ESPL1: variants seen among roughly 807,000 people sequenced by gnomAD.
The protein encoded by ESPL1 is extra spindle pole bodies like 1, separase, also known as separin.
Under a neutral mutation model 217.2 loss-of-function variants are expected in ESPL1, and 50 were observed. That is an observed-to-expected ratio of 0.23 (90% CI 0.18 to 0.29). ESPL1 has a LOEUF of 0.29. Ranked by LOEUF, ESPL1 falls within the 10% of genes least tolerant of loss-of-function variation. The pLI, the probability that ESPL1 is intolerant of heterozygous loss-of-function variation, is 1.00. For synonymous variants in ESPL1, 994 were observed against 1,081.3 expected, an observed-to-expected ratio of 0.92 and a Z score of 1.58; for missense variants, 1,834 against 2,603.0, an observed-to-expected ratio of 0.70 and a Z score of 6.43.
intron 9 of ESPL1, 59 bp downstream of exon 9, chr12:53,277,286 C>A: frequency 6.4e-7 from 1 of 1,557,706 alleles, no homozygotes; most frequent in Admixed American, 1.9e-5. Flanking sequence ...TGTCCCTGGG[C>A]CCCCAACAAG....
chr12:53,285,580 G>A (rs1192817313), intron 17 of ESPL1, among the ~76,000 whole-genome samples: 1 of 152,030 alleles, frequency 6.6e-6, no homozygotes, highest in Non-Finnish European at 1.5e-5. Flanking sequence ...GTGGTGGTGG[G>A]CGCCTGTAGT....
In ESPL1 at chr12:53,291,708, G is replaced by A. The variant is rs1268647702; in HGVS notation, c.5539G>A (p.Gly1847Ser). 9 of 1,613,758 alleles carry A rather than the reference G, an allele frequency of 5.6e-6. No homozygotes were observed. The highest frequency in any genetic ancestry group is 3.3e-4 in the Middle Eastern group (2 of 6,080). The change falls in exon 26 of 31, where the codon GGT (glycine) becomes AGT (serine). Residue 1847 changes from glycine (G) to serine (S), a missense_variant. Physicochemically the swap from Gly to Ser is moderately conservative, Grantham distance 56. This residue lies in a region of ESPL1 where 295 missense variants were observed against 519.8 expected (regional missense o/e 0.57). Transcript: ENST00000257934. ...TLLKIMLSGAGALTPQDIQAL... is the reference protein window; with the variant it reads ...TLLKIMLSGASALTPQDIQAL... ...CCTGCAGATCATGCTCAGTGGTGCC[G>A]GTGCCCTCACCCCTCAGGACATTCA...
intron 3 of ESPL1, 38 bp downstream of exon 3, chr12:53,270,123 C>T (rs1943643310): frequency 6.6e-7 from 1 of 1,522,314 alleles, no homozygotes; most frequent in African/African-American, 1.4e-5. Context: ...GGGACGTGGT[C>T]TGTGGACTCA....
At position 53,282,930 on chromosome 12, in the gene ESPL1, A is replaced by C. The variant is rs61929239; in HGVS notation, c.2792-199A>C. Among the ~76,000 whole-genome samples, 6 of 152,370 alleles carry C rather than the reference A, an allele frequency of 3.9e-5. No individual in the cohort carries two copies. Among genetic ancestry groups the C allele is most frequent in the Non-Finnish European group, 8.8e-5 (6 of 68,034 alleles). ...CAGCCTCCCAAAATGCTGGGATTAC[A>C]GGCTTGGGCCACTGCGCCCAGCCAG... On this transcript the variant is annotated intron_variant, in intron 14 of 30. Coordinates refer to ENST00000257934, the MANE Select transcript of ESPL1 (RefSeq NM_012291.5). The surrounding 1 kb of genome is among the most constrained non-coding windows in gnomAD (Gnocchi z 4.0).
At position 53,286,856 on chromosome 12, in the gene ESPL1, A is replaced by G; in HGVS notation, c.4120A>G (p.Lys1374Glu). 6.2e-7 allele frequency: 1 copy of G among 1,613,710 alleles called. No homozygotes were observed. Among genetic ancestry groups the G allele is most frequent in the Non-Finnish European group, 8.5e-7 (1 of 1,179,888 alleles). Residue 1374 changes from lysine (K) to glutamate (E), a missense_variant, in exon 18 of 31, where the codon AAG becomes GAG. Physicochemically the swap from Lys to Glu is moderately conservative, Grantham distance 56 (BLOSUM62 1). This residue lies in a region of ESPL1 where 681 missense variants were observed against 808.0 expected (regional missense o/e 0.84). Transcript: ENST00000257934. The surrounding 1 kb of genome is among the most constrained non-coding windows in gnomAD (Gnocchi z 5.3). ...VFEEVCPTES[K>E]PEVPQAPRVQ... ...TGAGGAAGTCTGCCCTACAGAGAGCAAGCCTGAAGTACCCCAGGCCCCCAG... is the reference window on the plus strand; with the variant it reads ...TGAGGAAGTCTGCCCTACAGAGAGCGAGCCTGAAGTACCCCAGGCCCCCAG...
chr12:53,271,736 T>C (rs936903782), intron 5 of ESPL1, among the ~76,000 whole-genome samples: 8 of 152,168 alleles, frequency 5.3e-5, no homozygotes, highest in African/African-American at 1.9e-4. Flanking sequence ...CTTTATTTTC[T>C]CCCAGTCATC....
chr12:53,292,829 C>A lies in ESPL1; in HGVS notation c.6020C>A (p.Ala2007Asp), dbSNP rs750088911. The change falls in exon 30 of 31, where the codon GCC (alanine) becomes GAC (aspartate). Residue 2007 changes from alanine to aspartate, a missense_variant. Ala to Asp is a moderately radical substitution (Grantham distance 126). This residue lies in a region of ESPL1 where 295 missense variants were observed against 519.8 expected (regional missense o/e 0.57). Coordinates refer to ENST00000257934, the MANE Select transcript of ESPL1 (RefSeq NM_012291.5). The surrounding 1 kb of genome is among the most constrained non-coding windows in gnomAD (Gnocchi z 4.5). ...AGCTATGCAGGGCATGGGGCTGGTG[C>A]CCGCTTCCTTGATGGGCAGGCTGTC... ...LYIYAGHGAG[A>D]RFLDGQAVLR... 6.2e-7 allele frequency: 1 copy of A among 1,610,212 alleles called. No homozygotes were observed. The highest frequency in any genetic ancestry group is 8.5e-7 in the Non-Finnish European group (1 of 1,179,998).
At chr12:53,274,605 TA>T (rs1189472409) in intron 6 of ESPL1, 8 of 515,684 alleles carry the variant, frequency 1.6e-5, no homozygotes, top group Non-Finnish European at 2.4e-5. Flanking sequence ...ATGATGAACA[TA>T]GGGGTGGAGT....
At position 53,282,483 on chromosome 12, in the gene ESPL1, G is replaced by A. The variant is rs368077026; in HGVS notation, c.2791+48G>A. On this transcript the variant is annotated intron_variant, in intron 14 of 30. Coordinates refer to ENST00000257934, the MANE Select transcript of ESPL1 (RefSeq NM_012291.5). The surrounding 1 kb of genome is among the most constrained non-coding windows in gnomAD (Gnocchi z 4.0). ...CCCCCTTGGATGACATGTATGGTCT[G>A]TCTGCTGTCAGCTCTTCTCAAACCT... The A allele has an allele frequency of 3.2e-6, 5 of 1,559,708 alleles. No homozygotes were observed. Among genetic ancestry groups the A allele is most frequent in the East Asian group, 2.3e-5 (1 of 44,236 alleles).
Position 53,270,747 on chromosome 12 carries a change from G to A in ESPL1, c.1318G>A (p.Ala440Thr), listed in dbSNP as rs759962350. Residue 440 changes from alanine to threonine, a missense_variant, in exon 5 of 31, where the codon GCC (alanine) becomes ACC (threonine). Physicochemically the swap from Ala to Thr is moderately conservative, Grantham distance 58 (BLOSUM62 0). Transcript: ENST00000257934. ...ATCTACCGTTGTCTGGATGCTGGAG[G>A]CCTTAGAGGGCCTGTCGGGCCAAGA... ...CKSTVVWMLE[A>T]LEGLSGQELT... 9 of 1,614,060 alleles carry A rather than the reference G, an allele frequency of 5.6e-6. No individual in the cohort carries two copies. In the African/African-American group the frequency reaches 1.1e-4, roughly 19 times the overall value.
At chr12:53,275,695 A>T (rs968847298) in intron 7 of ESPL1, among the ~76,000 whole-genome samples, 1 of 151,190 alleles carries the variant, frequency 6.6e-6, no homozygotes, top group South Asian at 2.1e-4. Flanking sequence ...AGATATTTTT[A>T]AAAAGTACAT....
rs775700635 is a variant in ESPL1 at position 53,290,301 on chromosome 12, G to A, written c.5242-46G>A. 5 of 1,610,366 alleles carry A rather than the reference G, an allele frequency of 3.1e-6. No homozygotes were observed. The African/African-American group carries it at 6.7e-5, about 21-fold the overall frequency. ...TTCTGTGTTGAGGGAGGGAGAGATG[G>A]TGATCACGTGGACAAGCAGAGCTCT... On this transcript the variant is annotated intron_variant, in intron 23 of 30. Transcript: ENST00000257934.
In ESPL1 at chr12:53,279,786, A is replaced by C. The variant is rs763031897; in HGVS notation, c.2419A>C (p.Lys807Gln). Residue 807 changes from lysine to glutamine, a missense_variant, in exon 12 of 31, where the codon AAG (lysine) becomes CAG (glutamine). Physicochemically the swap from Lys to Gln is moderately conservative, Grantham distance 53. Transcript: ENST00000257934. ...LLLRIVSERLKDHSKAAGSSC... is the reference protein window; with the variant it reads ...LLLRIVSERLQDHSKAAGSSC... ...GCTACGGATTGTCTCTGAGAGACTG[A>C]AGGACCACTCGAAGGCAGCTGGCTC... is the stretch of plus-strand genomic sequence containing the variant. The C allele has an allele frequency of 7.4e-6, 12 of 1,613,896 alleles. No homozygotes were observed. The highest frequency in any genetic ancestry group is 9.3e-6 in the Non-Finnish European group (11 of 1,179,942).
Position 53,277,163 on chromosome 12 carries a change from T to C in ESPL1, c.2021T>C (p.Leu674Pro). 6.2e-7 allele frequency: 1 copy of C among 1,614,210 alleles called. No homozygotes were observed. The highest frequency in any genetic ancestry group is 8.5e-7 in the Non-Finnish European group (1 of 1,180,004). The change falls in exon 9 of 31, where the codon CTG (leucine) becomes CCG (proline). Residue 674 changes from leucine to proline, a missense_variant. This residue lies in a region of ESPL1 where 746 missense variants were observed against 1,077.0 expected (regional missense o/e 0.69). Transcript: ENST00000257934. Reference sequence around the variant, plus strand: ...GAGGCCCAGGCCAGAGATCAGCTTCTGGACGATAAAGCACAGGCCTTGCTG... The same window carrying C: ...GAGGCCCAGGCCAGAGATCAGCTTCCGGACGATAAAGCACAGGCCTTGCTG... ...RPEAQARDQL[L>P]DDKAQALLWL...
rs147028840 is a variant in ESPL1 at position 53,272,907 on chromosome 12, G to A, written c.1506+50G>A. 2,104 of 1,596,642 alleles carry A rather than the reference G, an allele frequency of 1.3e-3. 21 individuals carry two copies. In the African/African-American group the frequency reaches 0.023, roughly 17 times the overall value. ...AAAGGAGCTTATGTGGTTGGGGAGC[G>A]GGGGGAGCGGGGAAGGGCCTCACCA... On this transcript the variant is annotated intron_variant, in intron 6 of 30. Coordinates refer to ENST00000257934, the MANE Select transcript of ESPL1 (RefSeq NM_012291.5).
At chr12:53,278,015 C>T (rs1427499286) in intron 11 of ESPL1, 55 bp downstream of exon 11, 2 of 1,564,974 alleles carry the variant, frequency 1.3e-6, no homozygotes, top group East Asian at 2.3e-5. Flanking sequence ...AGACCAGAAA[C>T]AGCTCCCTCG....
In ESPL1 at chr12:53,292,214, A is replaced by G; in HGVS notation, c.5797-64A>G. On this transcript the variant is annotated intron_variant, in intron 27 of 30. Transcript: ENST00000257934. The surrounding 1 kb of genome is among the most constrained non-coding windows in gnomAD (Gnocchi z 4.5). Reference sequence around the variant, plus strand: ...ATGGCTCAGACATGGAAAGGGGCTGAGATTGTTAGAGCTTGGGCCTCTTGG... The same window carrying G: ...ATGGCTCAGACATGGAAAGGGGCTGGGATTGTTAGAGCTTGGGCCTCTTGG... The G allele has an allele frequency of 2.8e-6, 4 of 1,440,778 alleles. No individual in the cohort carries two copies. In the East Asian group the frequency reaches 9.1e-5, roughly 33 times the overall value. 89.2% of individuals were successfully genotyped at this position (1,440,778 alleles called of 1,614,324 possible). A position where few individuals can be genotyped will look rare whatever the true frequency, so the allele number is the denominator to read the frequency against.
In ESPL1 at chr12:53,282,899, C is replaced by T. The variant is rs1439726488; in HGVS notation, c.2792-230C>T. ...AAACTCCTGACCTCGGGTGATCCGT[C>T]TGCCTCAGCCTCCCAAAATGCTGGG... On this transcript the variant is annotated intron_variant, in intron 14 of 30. Coordinates refer to ENST00000257934, the MANE Select transcript of ESPL1 (RefSeq NM_012291.5). The surrounding 1 kb of genome is among the most constrained non-coding windows in gnomAD (Gnocchi z 4.0). Among the ~76,000 whole-genome samples the T allele has an allele frequency of 6.6e-6, 1 of 152,266 alleles. No homozygotes were observed. Among genetic ancestry groups the T allele is most frequent in the Non-Finnish European group, 1.5e-5 (1 of 68,046 alleles).
intron 7 of ESPL1, among the ~76,000 whole-genome samples, chr12:53,276,037 A>T (rs10747662): frequency 0.73 from 110,462 of 151,932 alleles, 40,629 homozygotes; most frequent in East Asian, 1. Context: ...CGAGACCTTG[A>T]CTCTACTTAA....
Sources: gnomAD v4.1 joint callset for allele counts (sites outside exome capture counted in the v4.1 genomes callset) on GRCh38, gnomAD v4.1.1 for gene constraint, gnomAD v4.1.1 regional missense constraint, Gnocchi (gnomAD v3.1) non-coding constraint, MANE v1.5 for transcripts, NCBI Gene and HGNC (gene_info 2026-07-23, HGNC 2026-07-21) for gene names.